UBXN2A: variants seen among roughly 807,000 people sequenced by gnomAD.
UBXN2A encodes the protein UBX domain protein 2A.
Under a neutral mutation model 28.4 loss-of-function variants are expected in UBXN2A, and 28 were observed. The observed-to-expected ratio is 0.99, with a 90% CI of 0.73 to 1.35. UBXN2A has a LOEUF of 1.35. UBXN2A is among the 40% of genes most tolerant of loss of function. UBXN2A has a pLI of 0.00. For synonymous variants in UBXN2A, 97 were observed against 103.6 expected (o/e 0.94, Z 0.39); for missense variants, 253 against 297.9 (o/e 0.85, Z 1.11).
Position 24,002,404 on chromosome 2 carries a change from TA to T in UBXN2A, c.*2539del, listed in dbSNP as rs1275498291. 6.7e-6 allele frequency: 1 copy of T among 148,264 alleles called. No individual in the cohort carries two copies. The highest frequency in any genetic ancestry group is 1.5e-5 in the Non-Finnish European group (1 of 66,898). 9.2% of individuals were successfully genotyped at this position (148,264 alleles called of 1,614,324 possible). Reference sequence around the variant, plus strand: ...TAGGCAACAGAGTAAGACCCTGCCGTAATAATAATAACTTTTTTTTTTTTGA... The same window carrying T: ...TAGGCAACAGAGTAAGACCCTGCCGTATAATAATAACTTTTTTTTTTTTGA... On this transcript the variant is annotated 3_prime_UTR_variant, in exon 7 of 7. Coordinates refer to ENST00000309033, the MANE Select transcript of UBXN2A (RefSeq NM_181713.4).
In UBXN2A at chr2:23,940,470, C is replaced by T. The variant is rs1347291780; in HGVS notation, c.-193C>T. 6.6e-6 allele frequency: 1 copy of T among 151,016 alleles called. No individual in the cohort carries two copies. The highest frequency in any genetic ancestry group is 1.9e-4 in the East Asian group (1 of 5,162). 9.4% of individuals were successfully genotyped at this position (151,016 alleles called of 1,614,324 possible). ...GAGCCGGCGTCGGCGCGCGCTTGGG[C>T]GCCTGGCGAAGACCGAGAGAGGCTG... On this transcript the variant is annotated 5_prime_UTR_variant, in exon 1 of 7. Transcript: ENST00000309033.
intron 2 of UBXN2A, among the ~76,000 whole-genome samples, chr2:23,961,301 G>T (rs1706896929): frequency 6.6e-6 from 1 of 151,454 alleles, no homozygotes; most frequent in African/African-American, 2.4e-5. Flanking sequence ...TCACCATGTT[G>T]TCCAGGCTGA....
At chr2:23,987,735 G>A (rs1440898596) in intron 6 of UBXN2A, among the ~76,000 whole-genome samples, 13 of 149,464 alleles carry the variant, frequency 8.7e-5, no homozygotes, top group South Asian at 2.1e-4. Flanking sequence ...CCGAGATCGC[G>A]CCACTGCACT....
chr2:23,983,051 C>T lies in UBXN2A; in HGVS notation c.425+18C>T. 1.9e-6 allele frequency: 3 copies of T among 1,583,562 alleles called. No individual in the cohort carries two copies. The highest frequency in any genetic ancestry group is 2.6e-6 in the Non-Finnish European group (3 of 1,165,392). ...CTAGGAAGGTAAATATGCCTATTGTCTTGTTTTGCATAGATCAAGGCTTAA... is the reference window on the plus strand; with the variant it reads ...CTAGGAAGGTAAATATGCCTATTGTTTTGTTTTGCATAGATCAAGGCTTAA... On this transcript the variant is annotated intron_variant, in intron 5 of 6. Transcript: ENST00000309033.
At chr2:23,997,812 TTTC>T (rs1371284124) in intron 6 of UBXN2A, among the ~76,000 whole-genome samples, 3 of 150,758 alleles carry the variant, frequency 2.0e-5, no homozygotes, top group African/African-American at 2.4e-5. Context: ...ATTTTAATAT[TTTC>T]TTTTTTTTTT....
At chr2:23,936,436 G>A (rs776569837), upstream of UBXN2A, among the ~76,000 whole-genome samples, 23 of 152,136 alleles carry the variant, frequency 1.5e-4, no homozygotes, top group African/African-American at 3.6e-4. Flanking sequence ...TAGGCTGTGC[G>A]TGGTGGCTCA....
chr2:23,942,967 CT>C (rs531627035), intron 1 of UBXN2A, among the ~76,000 whole-genome samples: 211 of 144,962 alleles, frequency 1.5e-3, no homozygotes, highest in Middle Eastern at 3.6e-3. Context: ...CTACAAACAA[CT>C]TTTTTTTTTT....
At chr2:23,954,819 A>G (rs937102598) in intron 1 of UBXN2A, among the ~76,000 whole-genome samples, 1 of 147,636 alleles carries the variant, frequency 6.8e-6, no homozygotes, top group African/African-American at 2.5e-5. Flanking sequence ...GTGTGGTGAC[A>G]TGATCATGGC....
At chr2:23,975,248 T>A (rs1304331014) in intron 3 of UBXN2A, among the ~76,000 whole-genome samples, 3 of 152,148 alleles carry the variant, frequency 2.0e-5, no homozygotes, top group Admixed American at 6.6e-5. Flanking sequence ...GAAAAGATGG[T>A]TGGTAAGTTT....
At chr2:23,970,054 G>A (rs1707349383) in intron 2 of UBXN2A, among the ~76,000 whole-genome samples, 1 of 152,092 alleles carries the variant, frequency 6.6e-6, no homozygotes. Flanking sequence ...CACTTTGGGT[G>A]GCCAAGACAG....
intron 6 of UBXN2A, among the ~76,000 whole-genome samples, chr2:23,990,981 G>A (rs1708332156): frequency 6.6e-6 from 1 of 151,934 alleles, no homozygotes. Flanking sequence ...ACCCCACTTG[G>A]CCTCTGACAT....
intron 1 of UBXN2A, among the ~76,000 whole-genome samples, chr2:23,945,137 G>T (rs1399847934): frequency 6.6e-6 from 1 of 152,106 alleles, no homozygotes; most frequent in East Asian, 1.9e-4. Context: ...TGGAGCCCTG[G>T]AATGAGAATG....
chr2:23,989,021 C>T (rs1432103010), intron 6 of UBXN2A, among the ~76,000 whole-genome samples: 1 of 151,962 alleles, frequency 6.6e-6, no homozygotes, highest in African/African-American at 2.4e-5. Context: ...ATTGACAATC[C>T]AGGATCTGGG....
chr2:23,989,738 A>G (rs1708278677), intron 6 of UBXN2A, among the ~76,000 whole-genome samples: 1 of 151,776 alleles, frequency 6.6e-6, no homozygotes, highest in Non-Finnish European at 1.5e-5. Context: ...CTCTATCTCT[A>G]CAAAAAACAC....
rs955165552 is a variant in UBXN2A, at chr2:24,000,796, ATG to A, written c.*931_*932del. 19 of 152,200 alleles carry A rather than the reference ATG, an allele frequency of 1.2e-4. No homozygotes were observed. Among genetic ancestry groups the A allele is most frequent in the African/African-American group, 4.3e-4 (18 of 41,456 alleles). 9.4% of individuals were successfully genotyped at this position (152,200 alleles called of 1,614,324 possible). ...ACTCACATTTCTACACTTTATAAAA[ATG>A]TAATAAAAGAAAATTATCTTTCTAA... is the stretch of plus-strand genomic sequence containing the variant. On this transcript the variant is annotated 3_prime_UTR_variant, in exon 7 of 7. Transcript: ENST00000309033.
chr2:23,970,887 A>G (rs987385611), intron 2 of UBXN2A, among the ~76,000 whole-genome samples: 1 of 152,126 alleles, frequency 6.6e-6, no homozygotes, highest in Non-Finnish European at 1.5e-5. Context: ...GACAGGAGAC[A>G]GAGCTCAGGT....
At position 24,002,203 on chromosome 2, in the gene UBXN2A, G is replaced by A. The variant is rs149960879; in HGVS notation, c.*2336G>A. ...GCAGATCACCTGAGGTCAGGAGTTC[G>A]AGACCAGCCTGGTCAATGTGGTGAA... is the stretch of plus-strand genomic sequence containing the variant. On this transcript the variant is annotated 3_prime_UTR_variant, in exon 7 of 7. Coordinates refer to ENST00000309033, the MANE Select transcript of UBXN2A (RefSeq NM_181713.4). 5,980 of 151,988 alleles carry A rather than the reference G, an allele frequency of 0.039. 115 individuals are homozygous for A. The highest frequency in any genetic ancestry group is 0.046 in the Admixed American group (699 of 15,248). 9.4% of individuals were successfully genotyped at this position (151,988 alleles called of 1,614,324 possible).
intron 5 of UBXN2A, 44 bp downstream of exon 5, chr2:23,983,077 C>A: frequency 1.3e-6 from 2 of 1,491,282 alleles, no homozygotes; most frequent in South Asian, 1.5e-5. Context: ...CAAGGCTTAA[C>A]TAATATTCTG....
At chr2:23,976,930 T>G in intron 3 of UBXN2A, 39 bp from the exon 4 acceptor site, 2 of 1,535,024 alleles carry the variant, frequency 1.3e-6, no homozygotes, top group Non-Finnish European at 1.8e-6. Flanking sequence ...CTACTACATT[T>G]TATTAACATG....
Sources: allele counts gnomAD v4.1 joint callset (sites outside exome capture counted in the v4.1 genomes callset), GRCh38; gene constraint gnomAD v4.1.1; transcripts MANE v1.5; gene names NCBI Gene and HGNC (gene_info 2026-07-23, HGNC 2026-07-21).